Variants in KIF21B observed in about 807,000 individuals in gnomAD.
KIF21B encodes kinesin family member 21B.
Under a neutral mutation model 192.9 loss-of-function variants are expected in KIF21B, and 85 were observed. The ratio of observed to expected loss-of-function variants is 0.44; its 90% confidence interval spans 0.37 to 0.53. The LOEUF is 0.53. Among genes scored for constraint, KIF21B ranks in the 20% least tolerant of loss-of-function variants. The pLI is 0.00. For synonymous variants in KIF21B, 832 were observed against 884.6 expected, an observed-to-expected ratio of 0.94 and a Z score of 1.05; for missense variants, 1,716 against 2,194.8, an observed-to-expected ratio of 0.78 and a Z score of 4.36.
At chr1:200,974,396 C>T (rs1655406335) in intron 34 of KIF21B, among the ~76,000 whole-genome samples, 1 of 151,904 alleles carries the variant, frequency 6.6e-6, no homozygotes, top group Non-Finnish European at 1.5e-5. Flanking sequence ...GGCAGGGCTG[C>T]TCTGTGCTCT....
rs1474441778 is a variant in KIF21B at position 200,981,304 on chromosome 1, A to G, written c.3843-208T>C. ...TGGAGATAGCCTGTCTTAATCAGCA[A>G]TCATCAGTTGCCATCCTGAGCACTT... On this transcript the variant is annotated intron_variant, in intron 28 of 34. Transcript: ENST00000461742. Among the ~76,000 whole-genome samples the G allele has an allele frequency of 4.6e-5, 7 of 152,226 alleles. No homozygotes were observed. The East Asian group carries it at 1.2e-3, about 25-fold the overall frequency.
In KIF21B at chr1:200,982,556, G is replaced by A. The variant is rs373335010; in HGVS notation, c.3842+500C>T. Among the ~76,000 whole-genome samples, 2 of 152,094 alleles carry A rather than the reference G, an allele frequency of 1.3e-5. No individual in the cohort carries two copies. The highest frequency in any genetic ancestry group is 6.5e-5 in the Admixed American group (1 of 15,278). ...GTGCTAACAGGTGTGGGCAAGGGGC[G>A]CTGCCCCCATGGTGCCCCTCCCCCC... On this transcript the variant is annotated intron_variant, in intron 28 of 34. Coordinates refer to ENST00000461742, the MANE Select transcript of KIF21B (RefSeq NM_001252102.2). The surrounding 1 kb of genome is among the most constrained non-coding windows in gnomAD (Gnocchi z 4.7).
At chr1:200,989,901 G>C (rs1271640052) in intron 21 of KIF21B, 41 bp downstream of exon 21, 4 of 1,490,740 alleles carry the variant, frequency 2.7e-6, no homozygotes, top group Non-Finnish European at 3.7e-6. Flanking sequence ...AGAGGCATCT[G>C]TGCCCATAGA....
chr1:200,994,367 C>T (rs1656913702), intron 15 of KIF21B, among the ~76,000 whole-genome samples: 3 of 152,230 alleles, frequency 2.0e-5, no homozygotes, highest in African/African-American at 7.2e-5. Flanking sequence ...GATTCTGGGG[C>T]ACTGGCTCTC....
chr1:200,977,344 C>T lies in KIF21B; in HGVS notation c.4193G>A (p.Cys1398Tyr). 3.1e-6 allele frequency: 5 copies of T among 1,614,214 alleles called. No homozygotes were observed. Among genetic ancestry groups the T allele is most frequent in the Non-Finnish European group, 4.2e-6 (5 of 1,180,012 alleles). ...GATGGCACGGGTGGATGTGGCGGCA[C>T]AGGCATCCCCTGAGATCACCTGGCC... ...SSGQVISGDA[C>Y]AATSTRAITS... Residue 1398 changes from cysteine (C) to tyrosine (Y), a missense_variant, in exon 31 of 35, where the codon TGT becomes TAT. By Grantham distance (194) the Cys-to-Tyr change is radical. Coordinates refer to ENST00000461742, the MANE Select transcript of KIF21B (RefSeq NM_001252102.2).
At position 200,999,571 on chromosome 1, in the gene KIF21B, T is replaced by A. The variant is rs994350815; in HGVS notation, c.1768-105A>T. 205 of 1,547,336 alleles carry A rather than the reference T, an allele frequency of 1.3e-4. No individual in the cohort carries two copies. The Middle Eastern group carries it at 2.3e-3, about 17-fold the overall frequency. ...CTCAGGTGTGTCAGGAGGGTGGGGA[T>A]TGGGGCAGGCCACAGCTGAGCCCCC... On this transcript the variant is annotated intron_variant, in intron 12 of 34. Coordinates refer to ENST00000461742, the MANE Select transcript of KIF21B (RefSeq NM_001252102.2). This position sits in a 1 kb window ranked among gnomAD's most constrained non-coding sequence, Gnocchi z 4.7.
At chr1:200,978,645 C>T (rs905453208) in intron 30 of KIF21B, among the ~76,000 whole-genome samples, 1 of 152,176 alleles carries the variant, frequency 6.6e-6, no homozygotes, top group Non-Finnish European at 1.5e-5. Flanking sequence ...CAGCATCATA[C>T]AGAATAATTT....
Position 200,979,823 on chromosome 1 carries a change from G to T in KIF21B, c.3980-108C>A, listed in dbSNP as rs1571913181. ...CAGGATAGGGGAAAGGGATCCACAG[G>T]GCTCCAGAGGACGGAGCTCCAGGTC... is the stretch of plus-strand genomic sequence containing the variant. On this transcript the variant is annotated intron_variant, in intron 29 of 34. Transcript: ENST00000461742. The T allele has an allele frequency of 3.5e-6, 3 of 865,658 alleles. No homozygotes were observed. In the South Asian group the frequency reaches 7.2e-5, roughly 21 times the overall value. The allele number at this position is 865,658 out of a possible 1,614,324, so 53.6% of individuals were successfully genotyped here. A position where few individuals can be genotyped will look rare whatever the true frequency, so the allele number is the denominator to read the frequency against.
At chr1:201,019,989 G>A (rs1658726637) in intron 1 of KIF21B, among the ~76,000 whole-genome samples, 1 of 152,210 alleles carries the variant, frequency 6.6e-6, no homozygotes, top group Non-Finnish European at 1.5e-5. Context: ...CCAAATGGGA[G>A]AGGGCTGGGG....
chr1:200,992,546 C>T (rs1323711279), intron 15 of KIF21B, among the ~76,000 whole-genome samples, 157 bp from the exon 16 acceptor site: 2 of 152,246 alleles, frequency 1.3e-5, no homozygotes, highest in Non-Finnish European at 2.9e-5. Flanking sequence ...GGGGTTCTAC[C>T]TCCCACTCCT....
rs149652572 is a variant in KIF21B, at chr1:200,989,248, C to G, written c.3133-317G>C. Among the ~76,000 whole-genome samples the G allele has an allele frequency of 5.2e-4, 79 of 152,326 alleles. 2 individuals carry two copies. In the East Asian group the frequency reaches 0.014, roughly 27 times the overall value. On this transcript the variant is annotated intron_variant, in intron 21 of 34. Transcript: ENST00000461742. ...ACACCTTGACCTTGGACTTCCTGCC[C>G]TCTCTTGTTTGAGGCTCCCAGACTG... is the stretch of plus-strand genomic sequence containing the variant.
chr1:200,991,776 C>G (rs754544341), intron 16 of KIF21B, 51 bp from the exon 17 acceptor site: 1 of 1,586,608 alleles, frequency 6.3e-7, no homozygotes, highest in East Asian at 2.3e-5. Flanking sequence ...CCTTAGCCCT[C>G]TCTGTCTGTG....
chr1:201,022,839 C>T (rs943967177), intron 1 of KIF21B, among the ~76,000 whole-genome samples: 2 of 152,236 alleles, frequency 1.3e-5, no homozygotes, highest in African/African-American at 4.8e-5. Context: ...GGCATCATCC[C>T]AGCTTTTCCG....
At chr1:200,992,487 T>G in intron 15 of KIF21B, 98 bp from the exon 16 acceptor site, 1 of 1,259,950 alleles carries the variant, frequency 7.9e-7, no homozygotes, top group Non-Finnish European at 1.1e-6. Flanking sequence ...GGGGCAGGGA[T>G]AGTGGCTAGC....
chr1:201,011,212 G>A (rs924544258), intron 1 of KIF21B, among the ~76,000 whole-genome samples: 1 of 152,220 alleles, frequency 6.6e-6, no homozygotes, highest in Non-Finnish European at 1.5e-5. Flanking sequence ...TCTCCAGTAA[G>A]AGCTCAGGGT....
At chr1:200,986,256 A>T (rs1656291898) in intron 26 of KIF21B, among the ~76,000 whole-genome samples, 1 of 152,184 alleles carries the variant, frequency 6.6e-6, no homozygotes. Flanking sequence ...AATCCAAGCC[A>T]CTACAAAGCC....
intron 1 of KIF21B, 105 bp from the exon 2 acceptor site, chr1:201,009,593 G>C: frequency 8.8e-7 from 1 of 1,129,976 alleles, no homozygotes; most frequent in South Asian, 1.5e-5. Context: ...CCATGAGCCA[G>C]AGGAAAAGGA....
At chr1:201,018,434 T>C (rs1658639179) in intron 1 of KIF21B, among the ~76,000 whole-genome samples, 1 of 152,236 alleles carries the variant, frequency 6.6e-6, no homozygotes, top group Admixed American at 6.5e-5. Flanking sequence ...CAGGAGAATC[T>C]GGACAGCCTC....
rs548092100 is a variant in KIF21B at position 200,981,771 on chromosome 1, T to C, written c.3843-675A>G. On this transcript the variant is annotated intron_variant, in intron 28 of 34. Coordinates refer to ENST00000461742, the MANE Select transcript of KIF21B (RefSeq NM_001252102.2). The stretch of plus-strand genomic sequence containing the variant: ...GCTTTGGGTAGGAGGTTTGGGGCTC[T>C]CTGGAATGGGGCTGTATGGACCTGG... 2.6e-5 allele frequency among the ~76,000 whole-genome samples: 4 copies of C among 152,252 alleles called. No individual in the cohort carries two copies. In the South Asian group the frequency reaches 8.3e-4, roughly 32 times the overall value.
Sources: allele counts gnomAD v4.1 joint callset (sites outside exome capture counted in the v4.1 genomes callset), GRCh38; gene constraint gnomAD v4.1.1; non-coding constraint Gnocchi (gnomAD v3.1); transcripts MANE v1.5; gene names NCBI Gene and HGNC (gene_info 2026-07-23, HGNC 2026-07-21).